The following TTC29 variants were observed in gnomAD, a reference collection of about 807,000 sequenced individuals.
TTC29 encodes tetratricopeptide repeat protein 29.
Under a neutral mutation model 58.1 loss-of-function variants are expected in TTC29, and 49 were observed. The observed-to-expected ratio is 0.84, with a 90% CI of 0.67 to 1.07. The LOEUF is 1.07. TTC29 is among the 50% of genes least tolerant of loss of function. The pLI is 0.00. For missense variants in TTC29, 582 were observed against 555.6 expected (o/e 1.05, Z -0.48); for synonymous variants, 209 against 196.8 (o/e 1.06, Z -0.52).
intron 3 of TTC29, among the ~76,000 whole-genome samples, chr4:146,939,511 T>C (rs1237177588): frequency 6.6e-6 from 1 of 152,158 alleles, no homozygotes; most frequent in African/African-American, 2.4e-5. Context: ...CTGTTCTCCA[T>C]ACACATTTAA....
intron 8 of TTC29, among the ~76,000 whole-genome samples, chr4:146,840,766 GAACTCTATAAT>G (rs1728804315): frequency 6.6e-6 from 1 of 152,088 alleles, no homozygotes; most frequent in South Asian, 2.1e-4. Flanking sequence ...CTTCATATAA[GAACTCTATAAT>G]AACTCTATCT....
chr4:146,774,311 T>G (rs1433066328), intron 11 of TTC29, among the ~76,000 whole-genome samples: 1 of 152,194 alleles, frequency 6.6e-6, no homozygotes, highest in Non-Finnish European at 1.5e-5. Flanking sequence ...TTCCCTTACA[T>G]GTGATGTTAT....
At chr4:146,766,124 G>T (rs1747301898) in intron 11 of TTC29, among the ~76,000 whole-genome samples, 1 of 152,112 alleles carries the variant, frequency 6.6e-6, no homozygotes, top group South Asian at 2.1e-4. Flanking sequence ...ATCAGACTAA[G>T]CCAATATATT....
chr4:146,895,584 C>A (rs554662080), intron 6 of TTC29, among the ~76,000 whole-genome samples: 1 of 152,264 alleles, frequency 6.6e-6, no homozygotes, highest in South Asian at 2.1e-4. Context: ...CTCACAGGAG[C>A]AAGCAGTGAG....
chr4:146,751,008 G>A (rs915528509), intron 11 of TTC29, among the ~76,000 whole-genome samples: 3 of 152,198 alleles, frequency 2.0e-5, no homozygotes, highest in Admixed American at 6.5e-5. Context: ...TAGGCTGAAT[G>A]TGATGAAAGA....
At chr4:146,717,821 T>C (rs1490194478) in intron 11 of TTC29, among the ~76,000 whole-genome samples, 1 of 152,156 alleles carries the variant, frequency 6.6e-6, no homozygotes, top group East Asian at 1.9e-4. Context: ...TACCATGATG[T>C]GCAATATATC....
intron 6 of TTC29, among the ~76,000 whole-genome samples, chr4:146,876,055 G>A (rs1731236182): frequency 6.6e-6 from 1 of 152,134 alleles, no homozygotes; most frequent in African/African-American, 2.4e-5. Context: ...GAGTGAGTGT[G>A]GGCTCCGAGC....
In TTC29 at chr4:146,803,639, G is replaced by T; in HGVS notation, c.1148C>A (p.Thr383Lys). ...AGGCATGCTCATTAGCTCTACTGTT[G>T]TGTCAAAAGCTTGCTGAAAGCATTC... ...ASECFQQAFD[T>K]TVELMSMPLM... Residue 383 changes from threonine to lysine, a missense_variant, in exon 11 of 13, where the codon ACA (threonine) becomes AAA (lysine). Physicochemically the swap from Thr to Lys is moderately conservative, Grantham distance 78. Transcript: ENST00000325106. 6.2e-7 allele frequency: 1 copy of T among 1,605,652 alleles called. No individual in the cohort carries two copies. Among genetic ancestry groups the T allele is most frequent in the Admixed American group, 1.7e-5 (1 of 59,470 alleles).
chr4:146,926,029 C>T (rs1734907240), intron 4 of TTC29, among the ~76,000 whole-genome samples: 1 of 152,040 alleles, frequency 6.6e-6, no homozygotes, highest in Non-Finnish European at 1.5e-5. Context: ...GGTTATTGTT[C>T]ATAGGGTTGT....
chr4:146,845,251 T>C (rs1056408114), intron 8 of TTC29, among the ~76,000 whole-genome samples: 1 of 152,152 alleles, frequency 6.6e-6, no homozygotes, highest in African/African-American at 2.4e-5. Flanking sequence ...AAATAGGCCT[T>C]TTCCTTCCAT....
intron 4 of TTC29, among the ~76,000 whole-genome samples, chr4:146,910,577 A>G (rs576984218): frequency 6.4e-4 from 98 of 152,232 alleles, no homozygotes; most frequent in African/African-American, 2.2e-3. Flanking sequence ...ATCTTACGGT[A>G]AAAACAACAG....
At chr4:146,753,841 G>T (rs1234535053) in intron 11 of TTC29, among the ~76,000 whole-genome samples, 3 of 151,972 alleles carry the variant, frequency 2.0e-5, no homozygotes, top group African/African-American at 7.3e-5. Context: ...ACTCATAGGT[G>T]GGAATTGAAC....
intron 11 of TTC29, among the ~76,000 whole-genome samples, chr4:146,744,294 G>A (rs142666183): frequency 6.2e-4 from 95 of 152,142 alleles, no homozygotes; most frequent in African/African-American, 2.1e-3. Flanking sequence ...CAGTTTGGGA[G>A]GCTGAGGAGG....
At chr4:146,742,583 TCCTTCCCTCC>T (rs1745234835) in intron 11 of TTC29, among the ~76,000 whole-genome samples, 1 of 6,872 alleles carries the variant, frequency 1.5e-4, no homozygotes, top group African/African-American at 1.8e-4. Flanking sequence ...CCCACTTCCT[TCCTTCCCTCC>T]CTTCCTTCCC....
intron 11 of TTC29, among the ~76,000 whole-genome samples, chr4:146,788,125 G>C (rs1257816948): frequency 2.6e-5 from 4 of 152,186 alleles, no homozygotes; most frequent in Admixed American, 2.6e-4. Flanking sequence ...GGACTGCACA[G>C]CCTTTCACCA....
At position 146,834,677 on chromosome 4, in the gene TTC29, C is replaced by A. The variant is rs78200283; in HGVS notation, c.886-780G>T. ...GACCTCTATGGAAATCCTTTTTGCA[C>A]ATTTTCTAAGAAAGAATTAGCAAAA... On this transcript the variant is annotated intron_variant, in intron 8 of 12. Transcript: ENST00000325106. Among the ~76,000 whole-genome samples, 122 of 152,282 alleles carry A rather than the reference C, an allele frequency of 8.0e-4. 1 individual carries two copies. The highest frequency in any genetic ancestry group is 1.5e-3 in the Non-Finnish European group (104 of 68,024).
At chr4:146,847,704 C>T (rs900354265) in intron 8 of TTC29, among the ~76,000 whole-genome samples, 2 of 152,112 alleles carry the variant, frequency 1.3e-5, no homozygotes, top group Non-Finnish European at 1.5e-5. Context: ...GAAGACATGC[C>T]GAGGTGGAGA....
In TTC29 at chr4:146,795,627, T is replaced by A. The variant is rs568305367; in HGVS notation, c.1330+7830A>T. On this transcript the variant is annotated intron_variant, in intron 11 of 12. Transcript: ENST00000325106. ...AGTAAATTATGGGACCATGAATATATTTTTTCTAAAAAACCCTGAATCAGG... is the reference window on the plus strand; with the variant it reads ...AGTAAATTATGGGACCATGAATATAATTTTTCTAAAAAACCCTGAATCAGG... Among the ~76,000 whole-genome samples the A allele has an allele frequency of 5.9e-5, 9 of 152,214 alleles. 1 individual carries two copies. The Middle Eastern group carries it at 0.02, about 345-fold the overall frequency.
chr4:146,874,795 G>C lies in TTC29; in HGVS notation c.720C>G (p.Leu240=). 6.2e-7 allele frequency: 1 copy of C among 1,612,334 alleles called. No homozygotes were observed. The highest frequency in any genetic ancestry group is 8.5e-7 in the Non-Finnish European group (1 of 1,179,334). ...CESLLRTYRL[L]SDKMLENKEY... Reference sequence around the variant, plus strand: ...CTTTATTTTCTAGCATTTTGTCTGAGAGTAATCTGTAAGTCCTCAGGAGAC... The same window carrying C: ...CTTTATTTTCTAGCATTTTGTCTGACAGTAATCTGTAAGTCCTCAGGAGAC... The change falls in exon 7 of 13, where the codon CTC becomes CTG. Residue 240 remains leucine, a synonymous_variant. Coordinates refer to ENST00000325106, the MANE Select transcript of TTC29 (RefSeq NM_031956.4).
Sources: allele counts gnomAD v4.1 joint callset (sites outside exome capture counted in the v4.1 genomes callset), GRCh38; gene constraint gnomAD v4.1.1; transcripts MANE v1.5; gene names NCBI Gene and HGNC (gene_info 2026-07-23, HGNC 2026-07-21).